The following SIRPB1 variants were observed in gnomAD, a reference collection of about 807,000 sequenced individuals.
SIRPB1 encodes signal regulatory protein beta 1.
SIRPB1 carries 28 observed loss-of-function variants against 34.1 expected under a neutral mutation model. The observed-to-expected ratio is 0.82, with a 90% CI of 0.61 to 1.12. The LOEUF (loss-of-function observed/expected upper bound fraction) is 1.12. Ranked by LOEUF, SIRPB1 falls within the 50% of genes most tolerant of loss-of-function variation. The pLI is 0.00. For missense variants in SIRPB1, 499 were observed against 507.0 expected (o/e 0.98, Z 0.15); for synonymous variants, 211 against 203.8 (o/e 1.04, Z -0.30).
At chr20:1,566,790 A>C (rs536042216) in intron 4 of SIRPB1, among the ~76,000 whole-genome samples, 22 of 152,228 alleles carry the variant, frequency 1.4e-4, no homozygotes, top group Non-Finnish European at 2.4e-4. Context: ...AGAGAGTTGC[A>C]TGCTGCCCTT....
At chr20:1,579,547 A>T (rs959677781) in intron 1 of SIRPB1, among the ~76,000 whole-genome samples, 1 of 148,688 alleles carries the variant, frequency 6.7e-6, no homozygotes, top group Non-Finnish European at 1.5e-5. Flanking sequence ...CATCGCCTGG[A>T]TGCGTGAATG....
At position 1,593,261 on chromosome 20, in the gene SIRPB1, T is replaced by C. The variant is rs1157699720; in HGVS notation, c.77-14567A>G. ...AGAAATTGTGCTGTTCTACTTATTTTATAAGAGGATAGCCAGATTTTACTT... is the reference window on the plus strand; with the variant it reads ...AGAAATTGTGCTGTTCTACTTATTTCATAAGAGGATAGCCAGATTTTACTT... On this transcript the variant is annotated intron_variant, in intron 1 of 5. Coordinates refer to ENST00000381605, the MANE Select transcript of SIRPB1 (RefSeq NM_006065.5). Among the ~76,000 whole-genome samples the C allele has an allele frequency of 4.1e-5, 2 of 49,340 alleles. 1 individual carries two copies. The highest frequency in any genetic ancestry group is 2.7e-4 in the Admixed American group (2 of 7,370). 32.4% of individuals were successfully genotyped at this position (49,340 alleles called of 152,430 possible).
rs747517350 is a variant in SIRPB1 at position 1,570,937 on chromosome 20, T to C, written c.952A>G (p.Asn318Asp). 1.2e-6 allele frequency: 2 copies of C among 1,614,180 alleles called. No individual in the cohort carries two copies. The highest frequency in any genetic ancestry group is 2.2e-5 in the South Asian group (2 of 91,086). ...TYNWMSWLLV[N>D]TCAHRDDVVL... ...ACATCGTCCCTGTGGGCACAGGTGT[T>C]CACCAGGAGCCAGCTCATCCAGTTG... The change falls in exon 4 of 6, where the codon AAC becomes GAC. Residue 318 changes from asparagine to aspartate, a missense_variant. Transcript: ENST00000381605.
At chr20:1,565,996 A>G (rs1285167587) in intron 5 of SIRPB1, among the ~76,000 whole-genome samples, 157 bp downstream of exon 5, 1 of 152,052 alleles carries the variant, frequency 6.6e-6, no homozygotes, top group East Asian at 1.9e-4. Flanking sequence ...GGAGCCCCAT[A>G]CAGGGTTCCC....
In SIRPB1 at chr20:1,565,035, A is replaced by G. The variant is rs2091108987; in HGVS notation, c.*465T>C. On this transcript the variant is annotated 3_prime_UTR_variant, in exon 6 of 6. Coordinates refer to ENST00000381605, the MANE Select transcript of SIRPB1 (RefSeq NM_006065.5). ...GGTTTGAGGGATAGGATGCTTGGAC[A>G]AAGAGGAAAGAGAATCATTTTTTTC... The G allele has an allele frequency of 1.0e-5, 4 of 398,594 alleles. No homozygotes were observed. Among genetic ancestry groups the G allele is most frequent in the Middle Eastern group, 6.3e-4 (1 of 1,588 alleles). The allele number at this position is 398,594 out of a possible 1,614,324, so 24.7% of individuals were successfully genotyped here. A position where few individuals can be genotyped will look rare whatever the true frequency, so the allele number is the denominator to read the frequency against.
At chr20:1,617,054 G>C (rs1437683658) in intron 1 of SIRPB1, among the ~76,000 whole-genome samples, 1 of 152,186 alleles carries the variant, frequency 6.6e-6, no homozygotes, top group African/African-American at 2.4e-5. Flanking sequence ...TTTTGGAGAG[G>C]ATGTGGAGAA....
intron 2 of SIRPB1, chr20:1,578,085 GA>G: frequency 1.9e-6 from 1 of 520,082 alleles, no homozygotes; most frequent in South Asian, 2.2e-5. Context: ...GTCAGCTTTG[GA>G]AACACAAGAG....
At position 1,564,501 on chromosome 20, in the gene SIRPB1, C is replaced by T. The variant is rs2091102451; in HGVS notation, c.*999G>A. 6.3e-6 allele frequency: 1 copy of T among 160,000 alleles called. No individual in the cohort carries two copies. The highest frequency in any genetic ancestry group is 2.4e-5 in the African/African-American group (1 of 41,770). 9.9% of individuals were successfully genotyped at this position (160,000 alleles called of 1,614,324 possible). ...GAGAAGTGATATGATTTGACTTTTC[C>T]AAAGAATCACTGTGGCTGAAAAATG... On this transcript the variant is annotated 3_prime_UTR_variant, in exon 6 of 6. Coordinates refer to ENST00000381605, the MANE Select transcript of SIRPB1 (RefSeq NM_006065.5).
chr20:1,602,819 C>G lies in SIRPB1; in HGVS notation c.76+17050G>C, dbSNP rs1178274512. ...TGTTGTCCTCCACTTCCTGTCTTCA[C>G]TCTTCCAGCAGACAAATCAGCGACC... On this transcript the variant is annotated intron_variant, in intron 1 of 5. Coordinates refer to ENST00000381605, the MANE Select transcript of SIRPB1 (RefSeq NM_006065.5). 8.2e-5 allele frequency among the ~76,000 whole-genome samples: 4 copies of G among 49,048 alleles called. 2 individuals are homozygous for G. 32.2% of individuals were successfully genotyped at this position (49,048 alleles called of 152,430 possible).
chr20:1,578,718 A>G, intron 1 of SIRPB1, 24 bp from the exon 2 acceptor site: 1 of 1,506,626 alleles, frequency 6.6e-7, no homozygotes, highest in Non-Finnish European at 9.2e-7. Flanking sequence ...CAAAGCAGTC[A>G]TTTCTTCATC....
rs574310965 is a variant in SIRPB1, at chr20:1,562,856, A to T, written c.*2644T>A. Among the ~76,000 whole-genome samples the T allele has an allele frequency of 3.9e-5, 6 of 152,330 alleles. No homozygotes were observed. The highest frequency in any genetic ancestry group is 1.4e-4 in the African/African-American group (6 of 41,570). On this transcript the variant is annotated 3_prime_UTR_variant, in exon 6 of 6. Coordinates refer to ENST00000381605, the MANE Select transcript of SIRPB1 (RefSeq NM_006065.5). ...TTGAAAGAGGAATTTTGCAACCAAGATGAAAGTGCAGTGAAGAAATGAGAA... is the reference window on the plus strand; with the variant it reads ...TTGAAAGAGGAATTTTGCAACCAAGTTGAAAGTGCAGTGAAGAAATGAGAA...
chr20:1,573,751 C>T (rs553451981), intron 2 of SIRPB1, among the ~76,000 whole-genome samples: 1 of 146,538 alleles, frequency 6.8e-6, no homozygotes, highest in Admixed American at 6.7e-5. Context: ...TTGTGTAGGG[C>T]GAGACTCTGA....
chr20:1,603,025 C>T lies in SIRPB1; in HGVS notation c.76+16844G>A. 4 of 106,040 alleles carry T rather than the reference C, an allele frequency of 3.8e-5. 1 individual carries two copies. Among genetic ancestry groups the T allele is most frequent in the Admixed American group, 2.6e-4 (4 of 15,096 alleles). The allele number at this position is 106,040 out of a possible 1,614,324, so 6.6% of individuals were successfully genotyped here. The stretch of plus-strand genomic sequence containing the variant: ...TGGGACGATGCCCAGCAGAAAGAGA[C>T]GTTTCTCAAATTAGCATAAATTTGC... On this transcript the variant is annotated intron_variant, in intron 1 of 5. Transcript: ENST00000381605.
Position 1,572,040 on chromosome 20 carries a change from A to G in SIRPB1, c.434-3T>C, listed in dbSNP as rs200444242. On this transcript the variant is annotated splice_polypyrimidine_tract_variant and splice_region_variant and intron_variant, in intron 2 of 5. Transcript: ENST00000381605. The stretch of plus-strand genomic sequence containing the variant: ...TACCACGGGGGCAGAGGGTTTGGCT[A>G]CAAAAGGACCATCGATAATCAGGAG... The G allele has an allele frequency of 7.2e-4, 1,168 of 1,613,974 alleles. 1 individual carries two copies. The highest frequency in any genetic ancestry group is 8.4e-4 in the Non-Finnish European group (986 of 1,179,942).
intron 1 of SIRPB1, among the ~76,000 whole-genome samples, chr20:1,619,192 A>G (rs750570392): frequency 2.6e-5 from 4 of 152,200 alleles, no homozygotes; most frequent in Non-Finnish European, 5.9e-5. Flanking sequence ...GCAAGGAAGT[A>G]AATATCTGTA....
chr20:1,565,389 T>C lies in SIRPB1; in HGVS notation c.*111A>G, dbSNP rs570931302. 86 of 207,560 alleles carry C rather than the reference T, an allele frequency of 4.1e-4. No individual in the cohort carries two copies. The highest frequency in any genetic ancestry group is 3.3e-3 in the Middle Eastern group (2 of 612). The allele number at this position is 207,560 out of a possible 1,614,324, so 12.9% of individuals were successfully genotyped here. The stretch of plus-strand genomic sequence containing the variant: ...GAACAGGAGCGTGTGGGCAGGCAGA[T>C]GACCTGGGAGAGGAGGCGTTTGGAG... On this transcript the variant is annotated 3_prime_UTR_variant, in exon 6 of 6. Coordinates refer to ENST00000381605, the MANE Select transcript of SIRPB1 (RefSeq NM_006065.5).
chr20:1,571,689 T>C, intron 3 of SIRPB1, 31 bp downstream of exon 3: 1 of 1,612,082 alleles, frequency 6.2e-7, no homozygotes, highest in South Asian at 1.1e-5. Context: ...CAGCCAGGTG[T>C]GGGCTTGGGC....
In SIRPB1 at chr20:1,566,139, T is replaced by TC. The variant is rs1191426035; in HGVS notation, c.*2+13dup. On this transcript the variant is annotated intron_variant, in intron 5 of 5. Coordinates refer to ENST00000381605, the MANE Select transcript of SIRPB1 (RefSeq NM_006065.5). ...GGAGGAGCCCTTGGTCAGTCCTCCC[T>TC]CTCCTAAACTTACAGTCAGGCCTTC... 6.4e-7 allele frequency: 1 copy of TC among 1,557,786 alleles called. No homozygotes were observed. Among genetic ancestry groups the TC allele is most frequent in the South Asian group, 1.2e-5 (1 of 86,852 alleles).
Position 1,565,018 on chromosome 20 carries a change from G to A in SIRPB1, c.*482C>T. ...GAGCTTCTTTCTTTTTGGGTTTGAG[G>A]GATAGGATGCTTGGACAAAGAGGAA... On this transcript the variant is annotated 3_prime_UTR_variant, in exon 6 of 6. Transcript: ENST00000381605. 2.5e-6 allele frequency: 1 copy of A among 398,566 alleles called. No homozygotes were observed. Among genetic ancestry groups the A allele is most frequent in the African/African-American group, 2.1e-5 (1 of 48,716 alleles). 24.7% of individuals were successfully genotyped at this position (398,566 alleles called of 1,614,324 possible).
Sources: allele counts gnomAD v4.1 joint callset (sites outside exome capture counted in the v4.1 genomes callset), GRCh38; gene constraint gnomAD v4.1.1; transcripts MANE v1.5; gene names NCBI Gene and HGNC (gene_info 2026-07-23, HGNC 2026-07-21).